NDEL1: variants seen among roughly 807,000 people sequenced by gnomAD.
NDEL1 encodes nudE neurodevelopment protein 1 like 1.
In NDEL1, 9 loss-of-function variants were observed where a neutral mutation model predicts 45.7. That is an observed-to-expected ratio of 0.20 (90% CI 0.12 to 0.34). The LOEUF is 0.34. Among genes scored for constraint, NDEL1 ranks in the 10% least tolerant of loss-of-function variants. NDEL1 has a pLI of 1.00. For synonymous variants in NDEL1, 133 were observed against 158.6 expected (o/e 0.84, Z 1.21); for missense variants, 306 against 406.2 (o/e 0.75, Z 2.12).
At chr17:8,452,740 C>CTTTTTTTTTTTTTTTTTTTTTTTT in intron 6 of NDEL1, among the ~76,000 whole-genome samples, 6 of 95,628 alleles carry the variant, frequency 6.3e-5, no homozygotes, top group South Asian at 4.0e-4. Context: ...TTTTTCTTCT[C>CTTTTTTTTTTTTTTTTTTTTTTTT]TTTTTTTTTT....
At chr17:8,419,218 C>T (rs1440312707) in intron 1 of NDEL1, among the ~76,000 whole-genome samples, 1 of 152,102 alleles carries the variant, frequency 6.6e-6, no homozygotes, top group East Asian at 1.9e-4. Flanking sequence ...TTAATGAATT[C>T]ATCTAAAGTG....
intron 3 of NDEL1, among the ~76,000 whole-genome samples, chr17:8,473,221 C>T (rs1264642844): frequency 6.6e-6 from 1 of 152,036 alleles, no homozygotes; most frequent in South Asian, 2.1e-4. Context: ...TCGCCCTTCT[C>T]TGTCACCCAG....
chr17:8,425,024 T>A lies in NDEL1; in HGVS notation c.-13+11755T>A, dbSNP rs990090017. On this transcript the variant is annotated intron_variant, in intron 1 of 4. Coordinates refer to the NDEL1 transcript ENST00000582812. ...CTGCTAAACTGCTTACCAAGAACTG[T>A]GACATCCTCCTTAGCCCTTTTCACG... is the stretch of plus-strand genomic sequence containing the variant. Among the ~76,000 whole-genome samples, 5 of 152,214 alleles carry A rather than the reference T, an allele frequency of 3.3e-5. 1 individual carries two copies. The highest frequency in any genetic ancestry group is 1.2e-4 in the African/African-American group (5 of 41,464).
rs567382350 is a variant in NDEL1 at position 8,445,613 on chromosome 17, C to T, written c.87-98C>T. The T allele has an allele frequency of 5.5e-5, 71 of 1,288,558 alleles. No homozygotes were observed. The African/African-American group carries it at 9.5e-4, about 17-fold the overall frequency. The allele number at this position is 1,288,558 out of a possible 1,614,324, so 79.8% of individuals were successfully genotyped here. A position where few individuals can be genotyped will look rare whatever the true frequency, so the allele number is the denominator to read the frequency against. ...TTAGTATATTTTATGAGAGCATTAG[C>T]ATTCAAGCAAAAATTATCGAATTGC... On this transcript the variant is annotated intron_variant, in intron 2 of 8. Coordinates refer to ENST00000334527, the MANE Select transcript of NDEL1 (RefSeq NM_030808.5).
At chr17:8,454,633 T>C (rs892975166) in intron 6 of NDEL1, among the ~76,000 whole-genome samples, 163 bp from the exon 7 acceptor site, 2 of 152,246 alleles carry the variant, frequency 1.3e-5, no homozygotes, top group Non-Finnish European at 2.9e-5. Flanking sequence ...TATCCACCAA[T>C]TGGACAGTGG....
intron 8 of NDEL1, chr17:8,466,677 T>C (rs1016557705): frequency 9.5e-6 from 5 of 525,102 alleles, no homozygotes; most frequent in African/African-American, 7.8e-5. Context: ...GAATCAGGAC[T>C]GTGGCTTCCG....
chr17:8,430,463 C>T (rs1297547204), intron 1 of NDEL1, among the ~76,000 whole-genome samples: 1 of 152,138 alleles, frequency 6.6e-6, no homozygotes, highest in Non-Finnish European at 1.5e-5. Flanking sequence ...TGGCCGAAGT[C>T]CAGCATCTTT....
chr17:8,444,372 C>T lies in NDEL1; in HGVS notation c.86+15C>T. 1.3e-6 allele frequency: 2 copies of T among 1,583,030 alleles called. No individual in the cohort carries two copies. Among genetic ancestry groups the T allele is most frequent in the Non-Finnish European group, 1.7e-6 (2 of 1,153,756 alleles). ...TATAAGCAAAGGTAATGTTGGAAAG[C>T]ACACTAAAAGTAGGGGAGGGCATTT... On this transcript the variant is annotated intron_variant, in intron 2 of 8. Transcript: ENST00000334527.
At chr17:8,469,154 T>C (rs1227915693), downstream of NDEL1, among the ~76,000 whole-genome samples, 3 of 152,122 alleles carry the variant, frequency 2.0e-5, no homozygotes, top group African/African-American at 4.8e-5. Flanking sequence ...TCGCGGTGGG[T>C]GTGTGCTGTG....
chr17:8,456,492 C>CTTTTTTTTTTTTTTTTTTTTTTTTTT (rs57327945), intron 7 of NDEL1, among the ~76,000 whole-genome samples: 1 of 82,812 alleles, frequency 1.2e-5, no homozygotes, highest in Non-Finnish European at 2.4e-5. Context: ...TAGGTTATAT[C>CTTTTTTTTTTTTTTTTTTTTTTTTTT]TTTTTTTTTT....
At chr17:8,418,923 A>G (rs556487705) in intron 1 of NDEL1, among the ~76,000 whole-genome samples, 1 of 151,298 alleles carries the variant, frequency 6.6e-6, no homozygotes, top group East Asian at 1.9e-4. Context: ...ATCACGGTTC[A>G]CTGCAGCATC....
intron 3 of NDEL1, among the ~76,000 whole-genome samples, chr17:8,446,471 G>T (rs1259339152): frequency 1.3e-5 from 2 of 152,154 alleles, no homozygotes; most frequent in African/African-American, 2.4e-5. Flanking sequence ...AAATCCAGAG[G>T]TTTCCTTAAC....
intron 7 of NDEL1, among the ~76,000 whole-genome samples, chr17:8,457,209 T>C (rs1408714210): frequency 2.6e-5 from 4 of 152,214 alleles, no homozygotes; most frequent in African/African-American, 7.2e-5. Context: ...TCGGATCTTC[T>C]AGCTTCTTCT....
chr17:8,430,787 G>A (rs938542654), intron 1 of NDEL1, among the ~76,000 whole-genome samples: 1 of 152,212 alleles, frequency 6.6e-6, no homozygotes, highest in East Asian at 1.9e-4. Flanking sequence ...GTTCCCTTTC[G>A]GGGCTGATTT....
At chr17:8,472,168 G>A (rs1911852351), downstream of NDEL1, among the ~76,000 whole-genome samples, 1 of 152,206 alleles carries the variant, frequency 6.6e-6, no homozygotes, top group African/African-American at 2.4e-5. Context: ...ACCGGCCTCT[G>A]GGGAGAAGGG....
In NDEL1 at chr17:8,446,847, C is replaced by T; in HGVS notation, c.334C>T (p.His112Tyr). ...SQTRAIKEQL[H>Y]KYVRELEQAN... ...GACTCGGGCCATTAAGGAGCAGTTGCATAAGTATGTGAGAGAGCTGGAGCA... is the reference window on the plus strand; with the variant it reads ...GACTCGGGCCATTAAGGAGCAGTTGTATAAGTATGTGAGAGAGCTGGAGCA... Residue 112 changes from histidine (H) to tyrosine (Y), a missense_variant, in exon 4 of 9, where the codon CAT (histidine) becomes TAT (tyrosine). By Grantham distance (83) the His-to-Tyr change is moderately conservative. This residue lies in a region of NDEL1 where 112 missense variants were observed against 148.3 expected (regional missense o/e 0.76). Transcript: ENST00000334527. 6.2e-7 allele frequency: 1 copy of T among 1,614,128 alleles called. No individual in the cohort carries two copies. Among genetic ancestry groups the T allele is most frequent in the Non-Finnish European group, 8.5e-7 (1 of 1,180,034 alleles).
intron 1 of NDEL1, among the ~76,000 whole-genome samples, chr17:8,424,604 C>G (rs2151695536): frequency 6.6e-6 from 1 of 152,346 alleles, no homozygotes; most frequent in South Asian, 2.1e-4. Flanking sequence ...CGGGTTCACG[C>G]CATTCTCCTG....
At chr17:8,458,292 T>C (rs986599552) in intron 7 of NDEL1, among the ~76,000 whole-genome samples, 1 of 152,128 alleles carries the variant, frequency 6.6e-6, no homozygotes, top group African/African-American at 2.4e-5. Context: ...CCTTTCGATA[T>C]TGGTTTTACT....
intron 1 of NDEL1, among the ~76,000 whole-genome samples, chr17:8,420,744 A>G (rs1908688900): frequency 1.3e-5 from 2 of 152,192 alleles, no homozygotes; most frequent in Non-Finnish European, 2.9e-5. Context: ...AATACCTATG[A>G]GTGTAAGAGA....
Sources: allele counts gnomAD v4.1 joint callset (sites outside exome capture counted in the v4.1 genomes callset), GRCh38; gene constraint gnomAD v4.1.1; regional missense constraint gnomAD v4.1.1; transcripts MANE v1.5; gene names NCBI Gene and HGNC (gene_info 2026-07-23, HGNC 2026-07-21).